The following NRXN3 variants were observed in gnomAD, a reference collection of about 807,000 sequenced individuals.
NRXN3 encodes the protein neurexin 3, also known as neurexin III.
NRXN3 carries 32 observed loss-of-function variants against 137.6 expected under a neutral mutation model. The ratio of observed to expected loss-of-function variants is 0.23; its 90% CI spans 0.18 to 0.31. The LOEUF is 0.31. Ranked by LOEUF, NRXN3 falls within the 10% of genes least tolerant of loss-of-function variation. The probability of loss-of-function intolerance (pLI) is 1.00; values close to 1 mark genes in which losing one functional copy is unlikely to be tolerated. For synonymous variants in NRXN3, 798 were observed against 784.5 expected (o/e 1.02, Z -0.29); for missense variants, 1,574 against 2,062.5 (o/e 0.76, Z 4.59).
At chr14:79,338,195 G>C (rs1359105038) in intron 15 of NRXN3, among the ~76,000 whole-genome samples, 1 of 141,208 alleles carries the variant, frequency 7.1e-6, no homozygotes, top group Non-Finnish European at 1.5e-5. Context: ...CAGGCAGCCG[G>C]GGTGTGTGTG....
intron 16 of NRXN3, among the ~76,000 whole-genome samples, chr14:79,573,740 T>C (rs760590900): frequency 6.6e-6 from 1 of 152,104 alleles, no homozygotes; most frequent in Non-Finnish European, 1.5e-5. Flanking sequence ...AATGAAGTTG[T>C]CTTGGAGGGC....
At chr14:78,399,551 C>A (rs1251496502) in intron 4 of NRXN3, among the ~76,000 whole-genome samples, 1 of 152,116 alleles carries the variant, frequency 6.6e-6, no homozygotes, top group Non-Finnish European at 1.5e-5. Context: ...TGAGAATTTT[C>A]CATTTCTCTG....
intron 15 of NRXN3, among the ~76,000 whole-genome samples, chr14:79,350,745 C>T (rs961120334): frequency 6.6e-6 from 1 of 152,084 alleles, no homozygotes; most frequent in African/African-American, 2.4e-5. Context: ...CTCTGAGCTA[C>T]ATGGTTAGGT....
chr14:79,784,692 G>A (rs1242922692), intron 19 of NRXN3, among the ~76,000 whole-genome samples: 1 of 134,926 alleles, frequency 7.4e-6, no homozygotes, highest in African/African-American at 2.8e-5. Context: ...GTTTAAAGCT[G>A]TCTAAGTTTC....
chr14:78,238,287 G>A (rs930964013), intron 1 of NRXN3, among the ~76,000 whole-genome samples: 5 of 152,140 alleles, frequency 3.3e-5, no homozygotes, highest in East Asian at 1.9e-4. Flanking sequence ...TCCCTCTCTC[G>A]CTTGATTCCC....
intron 15 of NRXN3, among the ~76,000 whole-genome samples, chr14:79,430,415 T>G (rs1351866784): frequency 6.6e-6 from 1 of 152,262 alleles, no homozygotes; most frequent in African/African-American, 2.4e-5. Flanking sequence ...AATTAACAGG[T>G]TTATTTGTGC....
intron 3 of NRXN3, among the ~76,000 whole-genome samples, chr14:78,281,880 CA>C (rs573399969): frequency 2.8e-4 from 42 of 152,310 alleles, no homozygotes; most frequent in Non-Finnish European, 5.4e-4. Context: ...CTGCCTTTCA[CA>C]TGACAGAGCT....
intron 15 of NRXN3, among the ~76,000 whole-genome samples, chr14:79,286,644 T>C (rs942068777): frequency 6.6e-6 from 1 of 151,436 alleles, no homozygotes; most frequent in Non-Finnish European, 1.5e-5. Context: ...TTTGTCTGTT[T>C]GTTTCTGTGC....
chr14:78,963,470 C>G (rs1269082285), intron 11 of NRXN3, among the ~76,000 whole-genome samples: 2 of 152,158 alleles, frequency 1.3e-5, no homozygotes, highest in Non-Finnish European at 1.5e-5. Flanking sequence ...TTTTCCAGCC[C>G]AGCTCCCCTT....
chr14:79,116,155 C>A (rs1303508659), intron 15 of NRXN3, among the ~76,000 whole-genome samples: 1 of 152,174 alleles, frequency 6.6e-6, no homozygotes, highest in Admixed American at 6.5e-5. Context: ...CTTCTTGAAT[C>A]ACTAGACCGA....
chr14:79,338,331 G>C (rs551698272), intron 15 of NRXN3, among the ~76,000 whole-genome samples: 2 of 152,114 alleles, frequency 1.3e-5, no homozygotes, highest in East Asian at 1.9e-4. Context: ...TGGTTACTTC[G>C]TGGAGAGGGT....
intron 10 of NRXN3, among the ~76,000 whole-genome samples, chr14:78,946,028 AT>A (rs2099364440): frequency 6.6e-6 from 1 of 152,258 alleles, no homozygotes; most frequent in Non-Finnish European, 1.5e-5. Context: ...GGGTGGACCT[AT>A]TCGGAAGAGG....
intron 10 of NRXN3, among the ~76,000 whole-genome samples, chr14:78,911,592 C>T (rs942050343): frequency 2.0e-5 from 3 of 152,152 alleles, no homozygotes; most frequent in Non-Finnish European, 2.9e-5. Context: ...ATGTGGCATT[C>T]CTGTAAAGCA....
chr14:78,883,477 T>C (rs1407891993), intron 10 of NRXN3, among the ~76,000 whole-genome samples: 1 of 152,208 alleles, frequency 6.6e-6, no homozygotes, highest in Non-Finnish European at 1.5e-5. Context: ...AGTGGAAGTA[T>C]ATAAAGGGAG....
At chr14:78,295,578 A>G (rs968794442) in intron 3 of NRXN3, among the ~76,000 whole-genome samples, 2 of 152,162 alleles carry the variant, frequency 1.3e-5, no homozygotes, top group African/African-American at 4.8e-5. Flanking sequence ...AATTTGATTT[A>G]TATGCCACTC....
intron 10 of NRXN3, among the ~76,000 whole-genome samples, chr14:78,938,849 T>TTTTTTTC (rs1555602936): frequency 7.5e-6 from 1 of 134,086 alleles, no homozygotes; most frequent in African/African-American, 3.0e-5. Flanking sequence ...GTGATTTTTC[T>TTTTTTTC]TTTTTTTTTT....
At chr14:78,494,170 ACAT>A (rs1474125207) in intron 4 of NRXN3, among the ~76,000 whole-genome samples, 1 of 152,196 alleles carries the variant, frequency 6.6e-6, no homozygotes, top group African/African-American at 2.4e-5. Flanking sequence ...GATATTATTG[ACAT>A]CAATATTTGT....
At chr14:79,359,938 A>C (rs2093626024) in intron 15 of NRXN3, among the ~76,000 whole-genome samples, 1 of 152,216 alleles carries the variant, frequency 6.6e-6, no homozygotes, top group African/African-American at 2.4e-5. Context: ...TAATGAGAAC[A>C]GATACGCATT....
At chr14:78,497,735 T>C (rs1250815439) in intron 4 of NRXN3, among the ~76,000 whole-genome samples, 1 of 152,210 alleles carries the variant, frequency 6.6e-6, no homozygotes, top group Non-Finnish European at 1.5e-5. Flanking sequence ...GTTAGATATA[T>C]AGGCTGTATG....
Sources: allele counts gnomAD v4.1 joint callset (sites outside exome capture counted in the v4.1 genomes callset), GRCh38; gene constraint gnomAD v4.1.1; transcripts MANE v1.5; gene names NCBI Gene and HGNC (gene_info 2026-07-23, HGNC 2026-07-21).